Variants in SLC39A11 observed in about 807,000 individuals in gnomAD.
SLC39A11 encodes the protein solute carrier family 39 member 11, also known as zinc transporter ZIP11.
In SLC39A11, 33 loss-of-function variants were observed where a neutral mutation model predicts 36.1. That is an observed-to-expected ratio of 0.91 (90% CI 0.69 to 1.22). The LOEUF (loss-of-function observed/expected upper bound fraction) is 1.22. Among genes scored for constraint, SLC39A11 ranks in the 50% most tolerant of loss-of-function variants. The pLI, the probability that SLC39A11 is intolerant of heterozygous loss-of-function variation, is 0.00. For missense variants in SLC39A11, 432 were observed against 430.3 expected, an observed-to-expected ratio of 1.00 and a Z score of -0.03; for synonymous variants, 166 against 170.3, an observed-to-expected ratio of 0.97 and a Z score of 0.20.
At chr17:72,872,067 T>C (rs192394643) in intron 5 of SLC39A11, among the ~76,000 whole-genome samples, 101 of 152,318 alleles carry the variant, frequency 6.6e-4, no homozygotes, top group Admixed American at 1.8e-3. Flanking sequence ...TGTTGAGTGA[T>C]AGTATAAAGG....
chr17:72,704,126 CA>C (rs1266589180), intron 7 of SLC39A11, among the ~76,000 whole-genome samples: 10 of 151,962 alleles, frequency 6.6e-5, no homozygotes, highest in Non-Finnish European at 4.4e-5. Flanking sequence ...AGACTCTTTC[CA>C]AAACAACAAC....
intron 5 of SLC39A11, among the ~76,000 whole-genome samples, chr17:72,889,131 C>T (rs759982301): frequency 6.6e-6 from 1 of 152,062 alleles, no homozygotes; most frequent in Non-Finnish European, 1.5e-5. Flanking sequence ...TTTAGAGATG[C>T]AGATATGGAT....
chr17:72,858,230 G>A (rs955727805), intron 5 of SLC39A11, among the ~76,000 whole-genome samples: 1 of 152,140 alleles, frequency 6.6e-6, no homozygotes, highest in African/African-American at 2.4e-5. Context: ...TATTGAATAG[G>A]AAGTCCTTTC....
intron 6 of SLC39A11, among the ~76,000 whole-genome samples, chr17:72,788,370 T>C (rs1016975646): frequency 6.6e-6 from 1 of 152,224 alleles, no homozygotes; most frequent in African/African-American, 2.4e-5. Context: ...ATCTTTCTCA[T>C]ATGAGAATGA....
intron 5 of SLC39A11, among the ~76,000 whole-genome samples, chr17:72,874,100 A>G (rs985080140): frequency 3.3e-5 from 5 of 152,188 alleles, no homozygotes; most frequent in African/African-American, 9.7e-5. Context: ...TGTCTTTAAT[A>G]TCAGCGTGAG....
chr17:72,868,618 C>CAAAAAAAAAAAAAAAAAAAAAAAAA (rs71354894), intron 5 of SLC39A11, among the ~76,000 whole-genome samples: 1 of 56,462 alleles, frequency 1.8e-5, no homozygotes, highest in Non-Finnish European at 3.1e-5. Context: ...CCTGTCTCTA[C>CAAAAAAAAAAAAAAAAAAAAAAAAA]AAAAAAAAAA....
intron 7 of SLC39A11, among the ~76,000 whole-genome samples, chr17:72,663,645 G>A (rs1353909442): frequency 6.6e-6 from 1 of 152,140 alleles, no homozygotes; most frequent in Non-Finnish European, 1.5e-5. Flanking sequence ...AATGATGAGG[G>A]CCTCAGTCTC....
At chr17:72,968,040 A>G (rs1230473852) in intron 4 of SLC39A11, among the ~76,000 whole-genome samples, 1 of 151,436 alleles carries the variant, frequency 6.6e-6, no homozygotes, top group East Asian at 1.9e-4. Flanking sequence ...GCCCCCATCC[A>G]ACCTGTAACA....
chr17:72,682,358 G>T (rs1156359841), intron 7 of SLC39A11, among the ~76,000 whole-genome samples: 2 of 138,514 alleles, frequency 1.4e-5, no homozygotes, highest in Non-Finnish European at 3.0e-5. Flanking sequence ...GTACCAAAAA[G>T]GTTGGAGACT....
intron 3 of SLC39A11, among the ~76,000 whole-genome samples, chr17:73,046,189 T>C (rs553067805): frequency 6.6e-6 from 1 of 152,346 alleles, no homozygotes; most frequent in East Asian, 1.9e-4. Context: ...CATGCCTCTT[T>C]TCTTGGCTCA....
chr17:73,042,646 C>T (rs2059148318), intron 3 of SLC39A11, among the ~76,000 whole-genome samples: 1 of 152,090 alleles, frequency 6.6e-6, no homozygotes, highest in African/African-American at 2.4e-5. Context: ...ACTAAAAATA[C>T]AAAAATCAGC....
rs145211486 is a variant in SLC39A11 at position 72,798,414 on chromosome 17, C to CTTTTTTT, written c.601+51219_601+51220insAAAAAAA. Among the ~76,000 whole-genome samples the CTTTTTTT allele has an allele frequency of 3.4e-4, 48 of 140,648 alleles. 8 individuals carry two copies. The highest frequency in any genetic ancestry group is 4.2e-4 in the Non-Finnish European group (27 of 64,916). The allele number at this position is 140,648 out of a possible 152,430, so 92.3% of individuals were successfully genotyped here. ...GAGCTCTGGTCTCTTCCACTTCTTT[C>CTTTTTTT]TTTCTTTTTTTTTTTTTGAGATGGA... On this transcript the variant is annotated intron_variant, in intron 6 of 9. Transcript: ENST00000255559.
intron 6 of SLC39A11, among the ~76,000 whole-genome samples, chr17:72,796,195 G>C (rs2076889790): frequency 6.6e-6 from 1 of 152,062 alleles, no homozygotes; most frequent in African/African-American, 2.4e-5. Flanking sequence ...CAGGCTGCTG[G>C]TAAAACAGAA....
intron 6 of SLC39A11, among the ~76,000 whole-genome samples, chr17:72,826,573 G>C (rs1044039973): frequency 3.3e-5 from 5 of 152,142 alleles, no homozygotes; most frequent in Admixed American, 3.3e-4. Flanking sequence ...GTAGATCCAG[G>C]CTGTTTATAA....
chr17:73,015,147 G>C (rs559030597), intron 4 of SLC39A11, among the ~76,000 whole-genome samples: 1 of 152,212 alleles, frequency 6.6e-6, no homozygotes, highest in South Asian at 2.1e-4. Context: ...CTGAAACCTC[G>C]GTATTGCCCT....
At chr17:72,806,293 A>G (rs2077256473) in intron 6 of SLC39A11, among the ~76,000 whole-genome samples, 1 of 152,142 alleles carries the variant, frequency 6.6e-6, no homozygotes, top group African/African-American at 2.4e-5. Context: ...ATGAATCATC[A>G]TTGAGTGAAT....
intron 5 of SLC39A11, among the ~76,000 whole-genome samples, chr17:72,946,367 G>C (rs2085430494): frequency 6.6e-6 from 1 of 152,222 alleles, no homozygotes; most frequent in South Asian, 2.1e-4. Context: ...GAAGACATTT[G>C]AGTTCTCCAT....
intron 7 of SLC39A11, among the ~76,000 whole-genome samples, chr17:72,727,437 A>G (rs997246396): frequency 6.1e-4 from 93 of 151,846 alleles, no homozygotes; most frequent in Non-Finnish European, 2.6e-4. Flanking sequence ...GTGGATCACG[A>G]GGTCAGGAGA....
intron 3 of SLC39A11, among the ~76,000 whole-genome samples, chr17:73,070,278 C>G (rs1004953077): frequency 4.6e-5 from 7 of 152,172 alleles, no homozygotes; most frequent in African/African-American, 1.4e-4. Context: ...GCCCCCAACC[C>G]AGGCTGGTAA....
Sources: gnomAD v4.1 joint callset for allele counts (sites outside exome capture counted in the v4.1 genomes callset) on GRCh38, gnomAD v4.1.1 for gene constraint, MANE v1.5 for transcripts, NCBI Gene and HGNC (gene_info 2026-07-23, HGNC 2026-07-21) for gene names.